Variants in WDR70 observed in about 807,000 individuals in gnomAD.
WDR70 encodes the protein WD repeat domain 70, also known as WD repeat-containing protein 70.
WDR70 carries 53 observed loss-of-function variants against 88.6 expected under a neutral mutation model. That is an observed-to-expected ratio of 0.60 (90% CI 0.48 to 0.75). The LOEUF (loss-of-function observed/expected upper bound fraction) is 0.75. Ranked by LOEUF, WDR70 falls within the 30% of genes least tolerant of loss-of-function variation. The pLI is 0.00. For missense variants in WDR70, 610 were observed against 823.2 expected (o/e 0.74, Z 3.17); for synonymous variants, 280 against 270.0 (o/e 1.04, Z -0.36).
chr5:37,731,638 A>G (rs1748147110), intron 17 of WDR70, among the ~76,000 whole-genome samples: 1 of 152,156 alleles, frequency 6.6e-6, no homozygotes, highest in Admixed American at 6.6e-5. Flanking sequence ...AACATACTAA[A>G]GATTTGTCAA....
intron 9 of WDR70, among the ~76,000 whole-genome samples, chr5:37,552,333 T>A (rs1742170847): frequency 6.6e-6 from 1 of 152,232 alleles, no homozygotes; most frequent in South Asian, 2.1e-4. Flanking sequence ...CTACTCCTTG[T>A]CTAAGCTTAG....
At chr5:37,699,381 ATGTATGTGTG>A (rs1561078808) in intron 11 of WDR70, among the ~76,000 whole-genome samples, 5 of 108,844 alleles carry the variant, frequency 4.6e-5, no homozygotes, top group African/African-American at 1.9e-4. Context: ...GTGTATATAT[ATGTATGTGTG>A]TATATATATA....
At chr5:37,581,830 C>T (rs970506269) in intron 9 of WDR70, among the ~76,000 whole-genome samples, 1 of 152,146 alleles carries the variant, frequency 6.6e-6, no homozygotes, top group East Asian at 1.9e-4. Flanking sequence ...ATCAGAATTT[C>T]GTCTGATAAA....
At chr5:37,453,399 G>T (rs1024810709) in intron 7 of WDR70, among the ~76,000 whole-genome samples, 4 of 152,256 alleles carry the variant, frequency 2.6e-5, no homozygotes, top group African/African-American at 9.6e-5. Context: ...GAAGGGATGG[G>T]CTGAAATAAA....
At chr5:37,521,121 A>T (rs972793401) in intron 9 of WDR70, among the ~76,000 whole-genome samples, 2 of 152,180 alleles carry the variant, frequency 1.3e-5, no homozygotes, top group Admixed American at 6.5e-5. Flanking sequence ...TTTGTTCTCA[A>T]AACTGTTGGA....
chr5:37,576,707 T>G (rs897766550), intron 9 of WDR70, among the ~76,000 whole-genome samples: 4 of 151,860 alleles, frequency 2.6e-5, no homozygotes, highest in African/African-American at 9.7e-5. Context: ...GAAAATTGAG[T>G]GATTTATGAT....
intron 10 of WDR70, among the ~76,000 whole-genome samples, chr5:37,694,209 A>C (rs567415812): frequency 6.6e-6 from 1 of 152,350 alleles, no homozygotes; most frequent in African/African-American, 2.4e-5. Flanking sequence ...CAGATGCTGG[A>C]GAGGATGTGG....
At chr5:37,394,262 G>T (rs1372878045) in intron 4 of WDR70, among the ~76,000 whole-genome samples, 1 of 143,520 alleles carries the variant, frequency 7.0e-6, no homozygotes, top group Non-Finnish European at 1.5e-5. Context: ...CATGCCCTGG[G>T]ACTCTAGAGT....
chr5:37,495,489 T>C (rs1702254531), intron 8 of WDR70, among the ~76,000 whole-genome samples: 1 of 150,326 alleles, frequency 6.7e-6, no homozygotes. Context: ...TGTGTGTGCG[T>C]GTGTGTGTGT....
intron 5 of WDR70, among the ~76,000 whole-genome samples, chr5:37,419,570 T>C (rs915974399): frequency 1.3e-5 from 2 of 151,586 alleles, no homozygotes; most frequent in Non-Finnish European, 2.9e-5. Context: ...TCCCAGCACT[T>C]TGGGAGGCCA....
intron 10 of WDR70, among the ~76,000 whole-genome samples, chr5:37,626,779 A>G (rs985185929): frequency 6.6e-6 from 1 of 152,002 alleles, no homozygotes; most frequent in East Asian, 1.9e-4. Context: ...ACCTTTTACT[A>G]CTGATTCTCT....
chr5:37,410,054 T>G (rs1050325928), intron 5 of WDR70, among the ~76,000 whole-genome samples: 5 of 151,802 alleles, frequency 3.3e-5, no homozygotes, highest in African/African-American at 1.2e-4. Context: ...CACTAGTGTT[T>G]TTTTTTTTAA....
chr5:37,625,972 A>G (rs1744654209), intron 10 of WDR70, among the ~76,000 whole-genome samples: 1 of 148,882 alleles, frequency 6.7e-6, no homozygotes, highest in African/African-American at 2.5e-5. Context: ...TACCCTACAA[A>G]TTTACTGAAT....
At chr5:37,588,461 A>C (rs1176333484) in intron 9 of WDR70, among the ~76,000 whole-genome samples, 1 of 152,152 alleles carries the variant, frequency 6.6e-6, no homozygotes, top group Non-Finnish European at 1.5e-5. Flanking sequence ...ACCTCAACAT[A>C]ATAGAACGTA....
intron 10 of WDR70, among the ~76,000 whole-genome samples, chr5:37,664,381 C>A (rs912965394): frequency 6.6e-6 from 1 of 152,154 alleles, no homozygotes; most frequent in South Asian, 2.1e-4. Context: ...GTTATTGAGT[C>A]CTACCTATAG....
intron 5 of WDR70, among the ~76,000 whole-genome samples, chr5:37,429,680 T>G (rs1014930962): frequency 6.6e-6 from 1 of 152,226 alleles, no homozygotes; most frequent in African/African-American, 2.4e-5. Context: ...TTTATTTCAT[T>G]GATATGCATG....
rs139290426 is a variant in WDR70, at chr5:37,712,490, A to G, written c.1417-8625A>G. On this transcript the variant is annotated intron_variant, in intron 13 of 17. Transcript: ENST00000265107. Reference sequence around the variant, plus strand: ...GAATATAATTTGTTTTGGTTGTTACACTGTTAATGAATATGATATGTTTCC... The same window carrying G: ...GAATATAATTTGTTTTGGTTGTTACGCTGTTAATGAATATGATATGTTTCC... 1.5e-3 allele frequency among the ~76,000 whole-genome samples: 222 copies of G among 152,292 alleles called. 2 individuals carry two copies. The highest frequency in any genetic ancestry group is 4.7e-3 in the African/African-American group (194 of 41,554).
At chr5:37,632,440 T>C (rs904640741) in intron 10 of WDR70, among the ~76,000 whole-genome samples, 1 of 152,164 alleles carries the variant, frequency 6.6e-6, no homozygotes, top group Admixed American at 6.5e-5. Flanking sequence ...GTTCCATGTG[T>C]GTTATTACCT....
chr5:37,529,846 C>T (rs1213339481), intron 9 of WDR70, among the ~76,000 whole-genome samples: 3 of 152,140 alleles, frequency 2.0e-5, no homozygotes, highest in Non-Finnish European at 2.9e-5. Context: ...CTGGTTAGGA[C>T]TTCCAGTACT....
Sources: allele counts gnomAD v4.1 joint callset (sites outside exome capture counted in the v4.1 genomes callset), GRCh38; gene constraint gnomAD v4.1.1; transcripts MANE v1.5; gene names NCBI Gene and HGNC (gene_info 2026-07-23, HGNC 2026-07-21).